The following LHPP variants were observed in gnomAD, a reference collection of about 807,000 sequenced individuals.
LHPP encodes hLHPP.
In LHPP, 24 loss-of-function variants were observed where a neutral mutation model predicts 30.3. The observed-to-expected ratio is 0.79, with a 90% CI of 0.57 to 1.11. LHPP has a LOEUF of 1.11. LHPP is among the 50% of genes most tolerant of loss of function. The probability of loss-of-function intolerance (pLI) is 0.00; values close to 1 mark genes in which losing one functional copy is unlikely to be tolerated. For missense variants in LHPP, 356 were observed against 367.2 expected (o/e 0.97, Z 0.25); for synonymous variants, 150 against 157.1 (o/e 0.95, Z 0.34).
intron 6 of LHPP, among the ~76,000 whole-genome samples, chr10:124,599,968 C>T (rs753012654): frequency 2.6e-5 from 4 of 152,230 alleles, no homozygotes; most frequent in Non-Finnish European, 5.9e-5. Context: ...CTGAAGACCA[C>T]AGGGCAGGGA....
At position 124,461,867 on chromosome 10, in the gene LHPP, C is replaced by T; in HGVS notation, c.5C>T (p.Ala2Val). 1.6e-6 allele frequency: 2 copies of T among 1,253,654 alleles called. No individual in the cohort carries two copies. 77.7% of individuals were successfully genotyped at this position (1,253,654 alleles called of 1,614,324 possible). A position where few individuals can be genotyped will look rare whatever the true frequency, so the allele number is the denominator to read the frequency against. Residue 2 changes from alanine (A) to valine (V), a missense_variant, in exon 1 of 7, where the codon GCA (alanine) becomes GTA (valine). Coordinates refer to ENST00000368842, the MANE Select transcript of LHPP (RefSeq NM_022126.4). ...TGAGGAGCAGGGCCGGGCGCCATGG[C>T]ACCGTGGGGCAAGCGGCTGGCTGGC... M[A>V]PWGKRLAGVR...
intron 5 of LHPP, among the ~76,000 whole-genome samples, chr10:124,500,885 A>G (rs4472895): frequency 6.6e-6 from 1 of 151,868 alleles, no homozygotes; most frequent in Admixed American, 6.5e-5. Flanking sequence ...TGACTCAGCA[A>G]CCCATTTCCA....
rs543002259 is a variant in LHPP, at chr10:124,576,507, C to T, written c.717-36757C>T. Reference sequence around the variant, plus strand: ...CTCCCACTCCCTACCATATGCTGTTCCCAGACCCCCCTCCATGGCCTGCCC... The same window carrying T: ...CTCCCACTCCCTACCATATGCTGTTTCCAGACCCCCCTCCATGGCCTGCCC... On this transcript the variant is annotated intron_variant, in intron 6 of 6. Transcript: ENST00000368842. The surrounding 1 kb of genome is among the most constrained non-coding windows in gnomAD (Gnocchi z 4.2). Among the ~76,000 whole-genome samples, 82 of 151,766 alleles carry T rather than the reference C, an allele frequency of 5.4e-4. No individual in the cohort carries two copies. The highest frequency in any genetic ancestry group is 1.0e-3 in the Non-Finnish European group (71 of 67,862).
chr10:124,534,982 G>T (rs553997277), intron 6 of LHPP, among the ~76,000 whole-genome samples: 1 of 152,208 alleles, frequency 6.6e-6, no homozygotes, highest in Non-Finnish European at 1.5e-5. Context: ...GGTCCTCGGC[G>T]CCTATTGTTA....
rs557642922 is a variant in LHPP, at chr10:124,513,684, G to A, written c.625-3496G>A. On this transcript the variant is annotated intron_variant, in intron 5 of 6. Transcript: ENST00000368842. ...TTGGCCAGGCTGGTCTCGAACTCCT[G>A]ACCTCAAGTGATCCACCCGCCTCAG... is the stretch of plus-strand genomic sequence containing the variant. Among the ~76,000 whole-genome samples, 307 of 150,266 alleles carry A rather than the reference G, an allele frequency of 2.0e-3. 4 individuals carry two copies. The highest frequency in any genetic ancestry group is 6.8e-3 in the African/African-American group (279 of 40,978).
chr10:124,604,540 A>T (rs2134015118), intron 6 of LHPP, among the ~76,000 whole-genome samples: 1 of 152,250 alleles, frequency 6.6e-6, no homozygotes, highest in African/African-American at 2.4e-5. Flanking sequence ...TCCTCCAGGC[A>T]CTTGCCAGGG....
intron 6 of LHPP, among the ~76,000 whole-genome samples, chr10:124,565,530 T>G (rs1215208134): frequency 2.6e-5 from 4 of 152,162 alleles, no homozygotes; most frequent in African/African-American, 9.7e-5. Context: ...TATTTTTAAA[T>G]CAATAGCTGT....
intron 6 of LHPP, among the ~76,000 whole-genome samples, chr10:124,600,697 C>T (rs887248843): frequency 2.0e-5 from 3 of 152,170 alleles, no homozygotes; most frequent in African/African-American, 7.2e-5. Flanking sequence ...GCCCTGAGCC[C>T]CAGGGGCCTG....
chr10:124,575,899 C>T (rs11245300), intron 6 of LHPP, among the ~76,000 whole-genome samples: 2,148 of 152,252 alleles, frequency 0.014, 32 homozygotes, highest in Non-Finnish European at 0.024. Context: ...GGTGCCTGGA[C>T]GGCAGAGAGC....
chr10:124,568,463 G>A (rs954991053), intron 6 of LHPP, among the ~76,000 whole-genome samples: 9 of 152,174 alleles, frequency 5.9e-5, no homozygotes, highest in African/African-American at 2.2e-4. Context: ...AGGTGAAACC[G>A]CGCGATGAGG....
chr10:124,471,142 C>T (rs886927175), intron 1 of LHPP, among the ~76,000 whole-genome samples: 1 of 151,850 alleles, frequency 6.6e-6, no homozygotes, highest in Admixed American at 6.6e-5. Context: ...CCTTTTCCTT[C>T]GTATTCCTCA....
At chr10:124,613,201 G>A (rs2134025687) in intron 6 of LHPP, 63 bp from the exon 7 acceptor site, 1 of 1,217,426 alleles carries the variant, frequency 8.2e-7, no homozygotes, top group South Asian at 1.2e-5. Flanking sequence ...TGCTGGGAGG[G>A]TGGGTGTGGC....
chr10:124,569,279 T>C (rs1274098120), intron 6 of LHPP, among the ~76,000 whole-genome samples: 1 of 152,154 alleles, frequency 6.6e-6, no homozygotes, highest in Non-Finnish European at 1.5e-5. Context: ...TTTCTCTCCC[T>C]AGTTTTGGAT....
chr10:124,597,812 T>C (rs1441206889), intron 6 of LHPP, among the ~76,000 whole-genome samples: 1 of 152,188 alleles, frequency 6.6e-6, no homozygotes, highest in Non-Finnish European at 1.5e-5. Flanking sequence ...GAGTGCGCAC[T>C]GGGAGGGACG....
intron 6 of LHPP, among the ~76,000 whole-genome samples, chr10:124,602,341 A>G (rs936549094): frequency 2.6e-5 from 4 of 152,194 alleles, no homozygotes; most frequent in African/African-American, 7.2e-5. Context: ...GACGCCACCC[A>G]CAGCTGGCTT....
intron 6 of LHPP, among the ~76,000 whole-genome samples, chr10:124,567,741 A>G (rs1948516040): frequency 6.6e-6 from 1 of 152,170 alleles, no homozygotes; most frequent in Non-Finnish European, 1.5e-5. Context: ...ACACATGCAC[A>G]CTCATGTACT....
At chr10:124,506,695 T>A (rs758548697) in intron 5 of LHPP, among the ~76,000 whole-genome samples, 149 of 24,896 alleles carry the variant, frequency 6.0e-3, no homozygotes, top group Non-Finnish European at 7.9e-3. Context: ...GATTTCAGGT[T>A]GGCGGGTAGG....
intron 6 of LHPP, among the ~76,000 whole-genome samples, chr10:124,578,367 G>T (rs1284798883): frequency 6.6e-6 from 1 of 152,234 alleles, no homozygotes; most frequent in East Asian, 1.9e-4. Context: ...GCATGGCTTG[G>T]GGTCCTCTGC....
intron 6 of LHPP, among the ~76,000 whole-genome samples, chr10:124,580,839 C>G (rs1159362799): frequency 6.6e-6 from 1 of 151,890 alleles, no homozygotes; most frequent in Non-Finnish European, 1.5e-5. Context: ...CTGCCTCAGC[C>G]TCCTGAGTAG....
Sources: gnomAD v4.1 joint callset for allele counts (sites outside exome capture counted in the v4.1 genomes callset) on GRCh38, gnomAD v4.1.1 for gene constraint, Gnocchi (gnomAD v3.1) non-coding constraint, MANE v1.5 for transcripts, NCBI Gene and HGNC (gene_info 2026-07-23, HGNC 2026-07-21) for gene names.